Variants in ARHGAP25 observed in about 807,000 individuals in gnomAD.
ARHGAP25 encodes the protein rho GTPase-activating protein 25.
ARHGAP25 carries 34 observed loss-of-function variants against 71.0 expected under a neutral mutation model. The observed-to-expected ratio is 0.48, with a 90% CI of 0.36 to 0.64. The LOEUF is 0.64. Among genes scored for constraint, ARHGAP25 ranks in the 30% least tolerant of loss-of-function variants. ARHGAP25 has a pLI of 0.00. For missense variants in ARHGAP25, 706 were observed against 805.1 expected, an observed-to-expected ratio of 0.88 and a Z score of 1.49; for synonymous variants, 282 against 296.5, an observed-to-expected ratio of 0.95 and a Z score of 0.50.
At chr2:68,824,225 A>G (rs1403864813) in intron 10 of ARHGAP25, among the ~76,000 whole-genome samples, 4 of 151,882 alleles carry the variant, frequency 2.6e-5, no homozygotes, top group Admixed American at 6.6e-5. Context: ...ACATATGAGT[A>G]TCTTCAACAG....
chr2:68,759,202 A>C (rs1260045126), intron 1 of ARHGAP25, among the ~76,000 whole-genome samples: 1 of 151,782 alleles, frequency 6.6e-6, no homozygotes, highest in Non-Finnish European at 1.5e-5. Context: ...CTGAACCCAG[A>C]GCTAGCAGAA....
intron 2 of ARHGAP25, among the ~76,000 whole-genome samples, chr2:68,728,781 A>T (rs554829350): frequency 2.6e-5 from 4 of 152,274 alleles, no homozygotes; most frequent in East Asian, 3.9e-4. Context: ...AATAAAATTT[A>T]AAAAACTTGT....
Position 68,807,577 on chromosome 2 carries a change from T to C in ARHGAP25, c.674+97T>C, listed in dbSNP as rs542077469. ...TTCCAGTTGAGCTATGGGACTTGCA[T>C]AGAGACTTCTAAGAGCCCTGGCTTA... On this transcript the variant is annotated intron_variant, in intron 5 of 10. Transcript: ENST00000409202. 148 of 1,235,180 alleles carry C rather than the reference T, an allele frequency of 1.2e-4. No individual in the cohort carries two copies. In the East Asian group the frequency reaches 3.1e-3, roughly 26 times the overall value. 76.5% of individuals were successfully genotyped at this position (1,235,180 alleles called of 1,614,324 possible). A position where few individuals can be genotyped will look rare whatever the true frequency, so the allele number is the denominator to read the frequency against.
Position 68,734,968 on chromosome 2 carries a change from G to A in ARHGAP25, c.-232G>A. ...AGCCCCTGTGGGACTGAGGGTGGAG[G>A]CTGGGGGAGTTTGGGTGCCATCCTC... is the stretch of plus-strand genomic sequence containing the variant. On this transcript the variant is annotated 5_prime_UTR_variant, in exon 1 of 11. Coordinates refer to ENST00000409202, the MANE Select transcript of ARHGAP25 (RefSeq NM_001007231.3). 1.7e-6 allele frequency: 1 copy of A among 594,418 alleles called. No homozygotes were observed. Among genetic ancestry groups the A allele is most frequent in the Non-Finnish European group, 3.0e-6 (1 of 334,168 alleles). 36.8% of individuals were successfully genotyped at this position (594,418 alleles called of 1,614,324 possible).
chr2:68,773,432 T>A (rs1375061807), intron 1 of ARHGAP25, among the ~76,000 whole-genome samples: 1 of 152,174 alleles, frequency 6.6e-6, no homozygotes, highest in Non-Finnish European at 1.5e-5. Context: ...TTCTTATTTA[T>A]AAGTGGGAGC....
chr2:68,815,440 T>G (rs1681133954), intron 6 of ARHGAP25, among the ~76,000 whole-genome samples: 1 of 121,058 alleles, frequency 8.3e-6, no homozygotes, highest in Non-Finnish European at 1.7e-5. Flanking sequence ...AATTGTGTAC[T>G]CTCTTTTTTT....
chr2:68,732,161 C>G (rs957175378), upstream of ARHGAP25, among the ~76,000 whole-genome samples: 2 of 152,194 alleles, frequency 1.3e-5, no homozygotes, highest in East Asian at 3.9e-4. Flanking sequence ...GTTGACTGAC[C>G]GAGAGAGAGC....
chr2:68,711,817 C>T (rs559762708), intron 2 of ARHGAP25, among the ~76,000 whole-genome samples: 25 of 152,126 alleles, frequency 1.6e-4, no homozygotes, highest in Non-Finnish European at 2.9e-4. Flanking sequence ...TGGTTTCCAG[C>T]TTCATCCATG....
At chr2:68,728,451 G>A (rs1386706518) in intron 2 of ARHGAP25, among the ~76,000 whole-genome samples, 2 of 151,950 alleles carry the variant, frequency 1.3e-5, no homozygotes, top group African/African-American at 4.8e-5. Context: ...TAAACATAAA[G>A]TCACCATATA....
intron 1 of ARHGAP25, among the ~76,000 whole-genome samples, chr2:68,774,327 G>C (rs971764248): frequency 6.6e-6 from 1 of 152,114 alleles, no homozygotes. Context: ...CATGGTCCTG[G>C]GTGGGGGTTA....
At chr2:68,743,051 C>T (rs1479631358) in intron 1 of ARHGAP25, among the ~76,000 whole-genome samples, 2 of 152,192 alleles carry the variant, frequency 1.3e-5, no homozygotes, top group South Asian at 2.1e-4. Flanking sequence ...ATAATGATAG[C>T]TTCTGGTAAG....
At chr2:68,804,280 T>C (rs1006316929) in intron 4 of ARHGAP25, among the ~76,000 whole-genome samples, 30 of 152,182 alleles carry the variant, frequency 2.0e-4, no homozygotes, top group African/African-American at 6.3e-4. Flanking sequence ...CCTTACATTG[T>C]GTTTGTGCTA....
At chr2:68,762,748 T>A (rs1053176031) in intron 1 of ARHGAP25, among the ~76,000 whole-genome samples, 1 of 152,096 alleles carries the variant, frequency 6.6e-6, no homozygotes, top group African/African-American at 2.4e-5. Flanking sequence ...CCATGAGAAC[T>A]GTGAAGGAGT....
chr2:68,825,482 G>A (rs1682046865), intron 10 of ARHGAP25, among the ~76,000 whole-genome samples: 1 of 152,078 alleles, frequency 6.6e-6, no homozygotes, highest in Non-Finnish European at 1.5e-5. Flanking sequence ...GACAAATGAG[G>A]GGGCTGGGTG....
intron 1 of ARHGAP25, among the ~76,000 whole-genome samples, chr2:68,753,827 T>C (rs746843878): frequency 1.3e-5 from 2 of 152,146 alleles, no homozygotes; most frequent in Non-Finnish European, 2.9e-5. Flanking sequence ...GGTGAGAATG[T>C]CAGCTCTGTG....
chr2:68,743,177 G>T (rs1029571927), intron 1 of ARHGAP25, among the ~76,000 whole-genome samples: 1 of 152,158 alleles, frequency 6.6e-6, no homozygotes, highest in Admixed American at 6.5e-5. Flanking sequence ...TGTTTGCTGT[G>T]TGGAAGACCC....
intron 1 of ARHGAP25, among the ~76,000 whole-genome samples, chr2:68,762,901 A>G (rs1172133507): frequency 6.6e-6 from 1 of 151,960 alleles, no homozygotes; most frequent in Non-Finnish European, 1.5e-5. Context: ...TAAAAGGGAA[A>G]CCCCCTAACA....
At chr2:68,711,649 C>T (rs1573367207) in intron 2 of ARHGAP25, among the ~76,000 whole-genome samples, 1 of 152,012 alleles carries the variant, frequency 6.6e-6, no homozygotes, top group Admixed American at 6.6e-5. Flanking sequence ...AGGTATTTCT[C>T]CGAATGCTAT....
Position 68,767,281 on chromosome 2 carries a change from G to A in ARHGAP25, c.62-7940G>A, listed in dbSNP as rs1169345261. The stretch of plus-strand genomic sequence containing the variant: ...TCAATGGGGGGGTGGCGTTTGCTTT[G>A]AAGACAGAAAAGGGATACAGAAAGC... On this transcript the variant is annotated intron_variant, in intron 1 of 10. Coordinates refer to ENST00000409202, the MANE Select transcript of ARHGAP25 (RefSeq NM_001007231.3). This position sits in a 1 kb window ranked among gnomAD's most constrained non-coding sequence, Gnocchi z 4.6. Among the ~76,000 whole-genome samples, 3 of 152,052 alleles carry A rather than the reference G, an allele frequency of 2.0e-5. No homozygotes were observed. The highest frequency in any genetic ancestry group is 4.4e-5 in the Non-Finnish European group (3 of 68,006).
Sources: gnomAD v4.1 joint callset for allele counts (sites outside exome capture counted in the v4.1 genomes callset) on GRCh38, gnomAD v4.1.1 for gene constraint, Gnocchi (gnomAD v3.1) non-coding constraint, MANE v1.5 for transcripts, NCBI Gene and HGNC (gene_info 2026-07-23, HGNC 2026-07-21) for gene names.